PTPRD: variants seen among roughly 807,000 people sequenced by gnomAD.
PTPRD encodes the protein protein tyrosine phosphatase receptor type D, also known as receptor-type tyrosine-protein phosphatase delta.
PTPRD carries 34 observed loss-of-function variants against 214.5 expected under a neutral mutation model. The ratio of observed to expected loss-of-function variants is 0.16; its 90% CI spans 0.12 to 0.21. PTPRD has a LOEUF of 0.21. Ranked by LOEUF, PTPRD falls within the 10% of genes least tolerant of loss-of-function variation. PTPRD has a pLI of 1.00. For synonymous variants in PTPRD, 1,128 were observed against 845.7 expected (o/e 1.33, Z -5.79); for missense variants, 2,545 against 2,398.7 (o/e 1.06, Z -1.27).
chr9:8,793,490 T>C (rs1437881777), intron 11 of PTPRD, among the ~76,000 whole-genome samples: 1 of 152,224 alleles, frequency 6.6e-6, no homozygotes, highest in Non-Finnish European at 1.5e-5. Flanking sequence ...CACAGATTCC[T>C]GACCCTCAGA....
chr9:9,947,533 T>TTTA (rs2092884262), intron 4 of PTPRD, among the ~76,000 whole-genome samples: 3 of 17,542 alleles, frequency 1.7e-4, no homozygotes, highest in African/African-American at 1.3e-3. Flanking sequence ...TATATATATT[T>TTTA]TATATATAAT....
At chr9:9,125,320 C>G (rs1302837337) in intron 10 of PTPRD, among the ~76,000 whole-genome samples, 1 of 152,170 alleles carries the variant, frequency 6.6e-6, no homozygotes, top group African/African-American at 2.4e-5. Flanking sequence ...GATATTTCTA[C>G]CATTAAAGCC....
intron 35 of PTPRD, among the ~76,000 whole-genome samples, chr9:8,412,626 T>G (rs544809619): frequency 2.2e-4 from 34 of 152,306 alleles, no homozygotes; most frequent in African/African-American, 7.5e-4. Flanking sequence ...CTCTTGCCTC[T>G]ACCCTGTGAC....
At chr9:8,953,420 C>T (rs1374770330) in intron 11 of PTPRD, among the ~76,000 whole-genome samples, 1 of 151,788 alleles carries the variant, frequency 6.6e-6, no homozygotes, top group Non-Finnish European at 1.5e-5. Context: ...AAATAAATAC[C>T]CTTCTTGATA....
At chr9:10,530,613 T>C (rs1232393541) in intron 2 of PTPRD, among the ~76,000 whole-genome samples, 2 of 152,108 alleles carry the variant, frequency 1.3e-5, no homozygotes, top group Admixed American at 1.3e-4. Context: ...TGTGTGAACA[T>C]AGCATAGAGC....
rs552547539 is a variant in PTPRD at position 9,818,942 on chromosome 9, C to T, written c.-367-52091G>A. 3.3e-4 allele frequency among the ~76,000 whole-genome samples: 48 copies of T among 146,614 alleles called. No homozygotes were observed. The South Asian group carries it at 7.3e-3, about 22-fold the overall frequency. On this transcript the variant is annotated intron_variant, in intron 5 of 45. Coordinates refer to ENST00000381196, the MANE Select transcript of PTPRD (RefSeq NM_002839.4). Reference sequence around the variant, plus strand: ...AAAAAAAAAAAAAAAAAAAAAAGTTCGTATGTATGTCTTTCAATTATTTTA... The same window carrying T: ...AAAAAAAAAAAAAAAAAAAAAAGTTTGTATGTATGTCTTTCAATTATTTTA...
intron 5 of PTPRD, among the ~76,000 whole-genome samples, chr9:9,836,797 T>G (rs780290348): frequency 2.6e-5 from 4 of 152,184 alleles, no homozygotes; most frequent in Non-Finnish European, 5.9e-5. Flanking sequence ...TTAAATGACT[T>G]ACTATATGTA....
chr9:9,328,876 T>A (rs1193202422), intron 9 of PTPRD, among the ~76,000 whole-genome samples: 4 of 151,694 alleles, frequency 2.6e-5, no homozygotes, highest in Non-Finnish European at 2.9e-5. Context: ...GACCTCAAGT[T>A]ACTCACTTGC....
chr9:10,217,979 C>G (rs2099549373), intron 3 of PTPRD, among the ~76,000 whole-genome samples: 1 of 151,788 alleles, frequency 6.6e-6, no homozygotes, highest in South Asian at 2.1e-4. Context: ...ACACACAAAA[C>G]CTGTGGTAAT....
chr9:9,415,028 A>G (rs1208233300), intron 8 of PTPRD, among the ~76,000 whole-genome samples: 2 of 152,168 alleles, frequency 1.3e-5, no homozygotes, highest in African/African-American at 4.8e-5. Flanking sequence ...AGAGGACTGC[A>G]TTTTCATTGC....
At chr9:10,242,168 T>C (rs2091205500) in intron 3 of PTPRD, among the ~76,000 whole-genome samples, 1 of 152,000 alleles carries the variant, frequency 6.6e-6, no homozygotes, top group African/African-American at 2.4e-5. Flanking sequence ...ATTAGCTTTC[T>C]AACTGCATTT....
At chr9:10,411,359 T>A (rs1340414323) in intron 2 of PTPRD, among the ~76,000 whole-genome samples, 1 of 151,792 alleles carries the variant, frequency 6.6e-6, no homozygotes, top group Admixed American at 6.6e-5. Context: ...AGGAACAGGA[T>A]TTCCCAGTTC....
At chr9:10,457,272 TGGATC>T (rs1245670287) in intron 2 of PTPRD, among the ~76,000 whole-genome samples, 2 of 151,978 alleles carry the variant, frequency 1.3e-5, no homozygotes, top group Non-Finnish European at 2.9e-5. Flanking sequence ...AATGGCTACC[TGGATC>T]GGGATATTGA....
chr9:10,530,440 A>C (rs966680405), intron 2 of PTPRD, among the ~76,000 whole-genome samples: 1 of 152,212 alleles, frequency 6.6e-6, no homozygotes, highest in East Asian at 1.9e-4. Context: ...GTCTTGCAAA[A>C]AGTACATTTT....
rs566902361 is a variant in PTPRD, at chr9:10,204,022, G to C, written c.-545+136941C>G. Reference sequence around the variant, plus strand: ...GTTTTCCCTCCCCCACTCCCCAATAGTGAAAAAAGAAAATAGCTTCTAATT... The same window carrying C: ...GTTTTCCCTCCCCCACTCCCCAATACTGAAAAAAGAAAATAGCTTCTAATT... On this transcript the variant is annotated intron_variant, in intron 3 of 45. Transcript: ENST00000381196. Among the ~76,000 whole-genome samples, 14 of 152,058 alleles carry C rather than the reference G, an allele frequency of 9.2e-5. 1 individual carries two copies. Among genetic ancestry groups the C allele is most frequent in the African/African-American group, 3.4e-4 (14 of 41,486 alleles).
At position 9,811,638 on chromosome 9, in the gene PTPRD, T is replaced by A. The variant is rs1244273037; in HGVS notation, c.-367-44787A>T. Among the ~76,000 whole-genome samples the A allele has an allele frequency of 2.6e-5, 4 of 151,874 alleles. No homozygotes were observed. The East Asian group carries it at 7.8e-4, about 29-fold the overall frequency. ...AGAAGAACGGTGTGAACACAGGAGG[T>A]GGAGTTTGCAGTGAGCTGAGACCAG... On this transcript the variant is annotated intron_variant, in intron 5 of 45. Transcript: ENST00000381196.
intron 8 of PTPRD, among the ~76,000 whole-genome samples, chr9:9,410,798 C>T (rs879796158): frequency 1.3e-5 from 2 of 152,152 alleles, no homozygotes; most frequent in Non-Finnish European, 2.9e-5. Flanking sequence ...ATTATTGCCA[C>T]ATGTCATGGG....
At chr9:9,611,707 T>A (rs976997677) in intron 7 of PTPRD, among the ~76,000 whole-genome samples, 1 of 152,164 alleles carries the variant, frequency 6.6e-6, no homozygotes, top group African/African-American at 2.4e-5. Flanking sequence ...TATATTTATA[T>A]ATAGTCTGAT....
At chr9:8,470,352 C>T (rs1336762700) in intron 31 of PTPRD, among the ~76,000 whole-genome samples, 1 of 152,034 alleles carries the variant, frequency 6.6e-6, no homozygotes, top group Non-Finnish European at 1.5e-5. Flanking sequence ...AAGAAGAGTA[C>T]CAATTATAAT....
Sources: gnomAD v4.1 joint callset for allele counts (sites outside exome capture counted in the v4.1 genomes callset) on GRCh38, gnomAD v4.1.1 for gene constraint, MANE v1.5 for transcripts, NCBI Gene and HGNC (gene_info 2026-07-23, HGNC 2026-07-21) for gene names.